The following ARHGAP21 variants were observed in gnomAD, a reference collection of about 807,000 sequenced individuals.
ARHGAP21 encodes the protein Rho GTPase activating protein 21.
Under a neutral mutation model 164.6 loss-of-function variants are expected in ARHGAP21, and 38 were observed. That is an observed-to-expected ratio of 0.23 (90% confidence interval 0.18 to 0.30). The LOEUF is 0.30. Ranked by LOEUF, ARHGAP21 falls within the 10% of genes least tolerant of loss-of-function variation. The pLI is 1.00. For synonymous variants in ARHGAP21, 766 were observed against 857.9 expected (o/e 0.89, Z 1.87); for missense variants, 1,822 against 2,370.7 (o/e 0.77, Z 4.81).
intron 22 of ARHGAP21, 92 bp from the exon 23 acceptor site, chr10:24,591,775 T>A: frequency 6.3e-7 from 1 of 1,599,042 alleles, no homozygotes; most frequent in Admixed American, 1.7e-5. Flanking sequence ...GTAATTTTCT[T>A]AGGGAAAGAT....
intron 2 of ARHGAP21, among the ~76,000 whole-genome samples, chr10:24,720,140 TAC>T (rs1845785569): frequency 6.7e-6 from 1 of 150,208 alleles, no homozygotes; most frequent in Admixed American, 6.7e-5. Context: ...CGTTAAAAAA[TAC>T]ATAACTGTCA....
At chr10:24,688,162 G>A (rs1163469958) in intron 2 of ARHGAP21, among the ~76,000 whole-genome samples, 9 of 152,194 alleles carry the variant, frequency 5.9e-5, no homozygotes, top group South Asian at 2.1e-4. Context: ...AGGCCTAGGC[G>A]GGTGGATCAC....
chr10:24,676,201 C>G (rs773764097), intron 2 of ARHGAP21, among the ~76,000 whole-genome samples: 1 of 152,180 alleles, frequency 6.6e-6, no homozygotes, highest in Non-Finnish European at 1.5e-5. Flanking sequence ...GAATTTAACA[C>G]TGGAAAAAAT....
chr10:24,682,319 G>C (rs375781801), intron 2 of ARHGAP21, among the ~76,000 whole-genome samples: 2 of 152,138 alleles, frequency 1.3e-5, no homozygotes, highest in Admixed American at 6.5e-5. Context: ...TTGCTGTGAG[G>C]AATTTGTCAA....
intron 9 of ARHGAP21, among the ~76,000 whole-genome samples, chr10:24,609,419 T>C (rs540077076): frequency 2.0e-5 from 3 of 152,280 alleles, no homozygotes; most frequent in Non-Finnish European, 2.9e-5. Flanking sequence ...GGTGGGAGGA[T>C]AGATACTCAC....
rs761483526 is a variant in ARHGAP21, at chr10:24,585,936, G to C, written c.4353C>G (p.His1451Gln). Reference sequence around the variant, plus strand: ...TTTTGGACTCCTCTTTAGTATCATTGTGACACTGTTCCACATTTTCTTTCT... The same window carrying C: ...TTTTGGACTCCTCTTTAGTATCATTCTGACACTGTTCCACATTTTCTTTCT... ...FFKKENVEQCHNDTKEESKKE... is the reference protein window; with the variant it reads ...FFKKENVEQCQNDTKEESKKE... The change falls in exon 26 of 26, where the codon CAC (histidine) becomes CAG (glutamine). Residue 1451 changes from histidine (H) to glutamine (Q), a missense_variant. Physicochemically the swap from His to Gln is conservative, Grantham distance 24. Around this residue, in one of 5 missense-constraint regions of ARHGAP21, gnomAD observed 333 missense variants for 383.9 expected, o/e 0.87. Transcript: ENST00000396432. The C allele has an allele frequency of 6.2e-7, 1 of 1,613,976 alleles. No homozygotes were observed. The highest frequency in any genetic ancestry group is 1.1e-5 in the South Asian group (1 of 91,080).
Position 24,600,652 on chromosome 10 carries a change from G to A in ARHGAP21, c.3126C>T (p.Asn1042=), listed in dbSNP as rs758677417. The change falls in exon 14 of 26, where the codon AAC becomes AAT. Residue 1042 remains asparagine, a synonymous_variant. Transcript: ENST00000396432. ...CATTCCTTTGAACACCCACCTCTTCGTTTAGGTTGCTGCTCTCCTGGATCG... is the reference window on the plus strand; with the variant it reads ...CATTCCTTTGAACACCCACCTCTTCATTTAGGTTGCTGCTCTCCTGGATCG... The part of the protein sequence containing the change: ...IKTIQESSNL[N]EEDTGVTNRD... 6 of 1,612,722 alleles carry A rather than the reference G, an allele frequency of 3.7e-6. No homozygotes were observed. The highest frequency in any genetic ancestry group is 3.3e-5 in the Admixed American group (2 of 59,984).
intron 8 of ARHGAP21, among the ~76,000 whole-genome samples, chr10:24,621,995 GA>G (rs928904306): frequency 9.2e-5 from 14 of 151,904 alleles, no homozygotes; most frequent in Non-Finnish European, 2.1e-4. Flanking sequence ...AGAAAAACAT[GA>G]AAAAAGGTAA....
intron 12 of ARHGAP21, among the ~76,000 whole-genome samples, chr10:24,603,713 A>C (rs891483745): frequency 3.3e-5 from 5 of 152,052 alleles, no homozygotes; most frequent in African/African-American, 1.2e-4. Flanking sequence ...AAGGCAGGGG[A>C]CTGGCTGGGG....
intron 3 of ARHGAP21, among the ~76,000 whole-genome samples, chr10:24,667,466 A>G (rs1840307913): frequency 6.6e-6 from 1 of 152,178 alleles, no homozygotes; most frequent in South Asian, 2.1e-4. Flanking sequence ...GTCTATATAA[A>G]TGGATTGGTC....
chr10:24,682,289 A>C (rs1841843300), intron 2 of ARHGAP21, among the ~76,000 whole-genome samples: 1 of 152,232 alleles, frequency 6.6e-6, no homozygotes, highest in Non-Finnish European at 1.5e-5. Flanking sequence ...AGATATCACA[A>C]GTGTGATGGA....
chr10:24,722,999 A>C (rs1479174979), intron 1 of ARHGAP21, among the ~76,000 whole-genome samples: 1 of 151,920 alleles, frequency 6.6e-6, no homozygotes, highest in Non-Finnish European at 1.5e-5. Context: ...CTAGGGGGAA[A>C]AAACGAGAAA....
chr10:24,589,160 G>C, intron 25 of ARHGAP21, 111 bp downstream of exon 25: 1 of 905,708 alleles, frequency 1.1e-6, no homozygotes, highest in South Asian at 1.5e-5. Flanking sequence ...ATTATACTTT[G>C]TTGCTCTGTC....
chr10:24,718,862 G>A (rs565878733), intron 2 of ARHGAP21, among the ~76,000 whole-genome samples: 2 of 151,994 alleles, frequency 1.3e-5, no homozygotes, highest in South Asian at 4.2e-4. Context: ...CAAGAGTATG[G>A]ACTACAGATA....
intron 3 of ARHGAP21, among the ~76,000 whole-genome samples, chr10:24,669,636 C>T (rs1311758897): frequency 6.6e-6 from 1 of 152,180 alleles, no homozygotes; most frequent in Non-Finnish European, 1.5e-5. Context: ...TAAGATAACG[C>T]TCATAACGAA....
chr10:24,653,213 C>T (rs1016702082), intron 4 of ARHGAP21, among the ~76,000 whole-genome samples: 5 of 152,158 alleles, frequency 3.3e-5, no homozygotes, highest in Admixed American at 2.6e-4. Flanking sequence ...TTCCCTGGTA[C>T]CCTTTCCCAG....
In ARHGAP21 at chr10:24,685,976, T is replaced by A. The variant is rs187759551; in HGVS notation, c.64-15579A>T. ...AGATGAAATCAAATGGGAATTCACA[T>A]ATACTTCACTGGAAGTACAATCTTC... On this transcript the variant is annotated intron_variant, in intron 2 of 25. Coordinates refer to ENST00000396432, the MANE Select transcript of ARHGAP21 (RefSeq NM_020824.4). Among the ~76,000 whole-genome samples the A allele has an allele frequency of 2.4e-4, 36 of 152,338 alleles. No individual in the cohort carries two copies. In the East Asian group the frequency reaches 5.4e-3, roughly 23 times the overall value.
intron 2 of ARHGAP21, among the ~76,000 whole-genome samples, chr10:24,699,658 A>G (rs1843476639): frequency 6.6e-6 from 1 of 152,042 alleles, no homozygotes; most frequent in Admixed American, 6.6e-5. Flanking sequence ...GATGACTAGA[A>G]CACTACATTA....
rs1835101820 is a variant in ARHGAP21 at position 24,625,957 on chromosome 10, G to C, written c.496-3195C>G. Among the ~76,000 whole-genome samples the C allele has an allele frequency of 2.6e-5, 4 of 152,124 alleles. No homozygotes were observed. In the South Asian group the frequency reaches 8.3e-4, roughly 31 times the overall value. ...TCATCTCCACTCAACAGCAGTATAG[G>C]ACTGTGGTTTAGAGTACAGGCTTTC... is the stretch of plus-strand genomic sequence containing the variant. On this transcript the variant is annotated intron_variant, in intron 7 of 25. Transcript: ENST00000396432.
Sources: allele counts gnomAD v4.1 joint callset (sites outside exome capture counted in the v4.1 genomes callset), GRCh38; gene constraint gnomAD v4.1.1; regional missense constraint gnomAD v4.1.1; transcripts MANE v1.5; gene names NCBI Gene and HGNC (gene_info 2026-07-23, HGNC 2026-07-21).